BMPR1A: variants seen among roughly 807,000 people sequenced by gnomAD.
BMPR1A encodes the protein bone morphogenetic protein receptor type 1A.
Under a neutral mutation model 66.0 loss-of-function variants are expected in BMPR1A, and 7 were observed. The observed-to-expected ratio is 0.11, with a 90% CI of 0.06 to 0.20. The LOEUF (loss-of-function observed/expected upper bound fraction) is 0.20, where lower values mean the gene tolerates loss of function less well. Ranked by LOEUF, BMPR1A falls within the 10% of genes least tolerant of loss-of-function variation. The pLI, the probability that BMPR1A is intolerant of heterozygous loss-of-function variation, is 1.00. For synonymous variants in BMPR1A, 200 were observed against 229.7 expected (o/e 0.87, Z 1.17); for missense variants, 408 against 669.1 (o/e 0.61, Z 4.31).
At chr10:86,820,477 C>G (rs1842106977) in intron 1 of BMPR1A, among the ~76,000 whole-genome samples, 1 of 151,168 alleles carries the variant, frequency 6.6e-6, no homozygotes, top group Non-Finnish European at 1.5e-5. Flanking sequence ...TTTCTTCCTT[C>G]TCGGCTGTTT....
Position 86,833,520 on chromosome 10 carries a change from G to T in BMPR1A, c.-267-5345G>T, listed in dbSNP as rs533207346. Among the ~76,000 whole-genome samples the T allele has an allele frequency of 7.2e-5, 11 of 152,266 alleles. No individual in the cohort carries two copies. In the East Asian group the frequency reaches 2.1e-3, roughly 29 times the overall value. On this transcript the variant is annotated intron_variant, in intron 1 of 12. Transcript: ENST00000372037. Reference sequence around the variant, plus strand: ...AATAGATGAAGCAGAGGGAGGTGGGGCTTGTGATCCCAAGATTTTAAACTT... The same window carrying T: ...AATAGATGAAGCAGAGGGAGGTGGGTCTTGTGATCCCAAGATTTTAAACTT...
chr10:86,837,923 G>A (rs1416022806), intron 1 of BMPR1A, among the ~76,000 whole-genome samples: 1 of 152,194 alleles, frequency 6.6e-6, no homozygotes, highest in African/African-American at 2.4e-5. Context: ...TAGTTTACAT[G>A]AATTTAGTCA....
At position 86,926,997 on chromosome 10, in the gene BMPR1A, A is replaced by AT. The variant is rs1157723564; in HGVS notation, c.*3282dup. ...ACTTGCATCTGATTTCTTTGGAAAT[A>AT]TTTTCACAAAAGTTATTTTAATCAG... On this transcript the variant is annotated 3_prime_UTR_variant, in exon 13 of 13. Coordinates refer to ENST00000372037, the MANE Select transcript of BMPR1A (RefSeq NM_004329.3). The AT allele has an allele frequency of 5.3e-6, 1 of 187,530 alleles. No homozygotes were observed. Among genetic ancestry groups the AT allele is most frequent in the Non-Finnish European group, 1.1e-5 (1 of 88,992 alleles). 11.6% of individuals were successfully genotyped at this position (187,530 alleles called of 1,614,324 possible). A position where few individuals can be genotyped will look rare whatever the true frequency, so the allele number is the denominator to read the frequency against.
At chr10:86,762,324 A>G (rs1203652141) in intron 1 of BMPR1A, among the ~76,000 whole-genome samples, 2 of 152,216 alleles carry the variant, frequency 1.3e-5, no homozygotes, top group Non-Finnish European at 2.9e-5. Flanking sequence ...AACTCCTTGT[A>G]TGGTCTAGCA....
At chr10:86,917,535 G>A (rs1313664747) in intron 9 of BMPR1A, among the ~76,000 whole-genome samples, 1 of 152,208 alleles carries the variant, frequency 6.6e-6, no homozygotes, top group Non-Finnish European at 1.5e-5. Context: ...ACAGCAGTGA[G>A]TTTCAAATGG....
intron 2 of BMPR1A, among the ~76,000 whole-genome samples, chr10:86,865,182 C>A (rs566204920): frequency 6.6e-6 from 1 of 152,104 alleles, no homozygotes; most frequent in Non-Finnish European, 1.5e-5. Flanking sequence ...TGATGACATT[C>A]CACCACAAAA....
rs1175869457 is a variant in BMPR1A, at chr10:86,924,998, A to G, written c.*1279A>G. 1 of 232,172 alleles carries G rather than the reference A, an allele frequency of 4.3e-6. No homozygotes were observed. Among genetic ancestry groups the G allele is most frequent in the Non-Finnish European group, 8.5e-6 (1 of 117,476 alleles). 14.4% of individuals were successfully genotyped at this position (232,172 alleles called of 1,614,324 possible). ...CTCTAATTAGAAATTTATATGTCAG[A>G]GCTGTTATAAATTTATCAACTGTCA... On this transcript the variant is annotated 3_prime_UTR_variant, in exon 13 of 13. Coordinates refer to ENST00000372037, the MANE Select transcript of BMPR1A (RefSeq NM_004329.3).
chr10:86,802,929 G>A (rs10887656), intron 1 of BMPR1A, among the ~76,000 whole-genome samples: 46,077 of 149,396 alleles, frequency 0.31, 8,172 homozygotes, highest in East Asian at 0.69. Flanking sequence ...AGATTAGCCA[G>A]GCATTGTGAT....
At chr10:86,801,451 T>A (rs1841809506) in intron 1 of BMPR1A, among the ~76,000 whole-genome samples, 1 of 152,200 alleles carries the variant, frequency 6.6e-6, no homozygotes, top group African/African-American at 2.4e-5. Context: ...TGATAGAAGC[T>A]TAGAGATTAA....
In BMPR1A at chr10:86,892,087, G is replaced by A. The variant is rs1483584270; in HGVS notation, c.231-40G>A. Reference sequence around the variant, plus strand: ...CAAATTTCGTTAGTACTTTCTATGTGAATTTATGTTTTGTTTTGTTTTGTT... The same window carrying A: ...CAAATTTCGTTAGTACTTTCTATGTAAATTTATGTTTTGTTTTGTTTTGTT... On this transcript the variant is annotated intron_variant, in intron 4 of 12. Coordinates refer to ENST00000372037, the MANE Select transcript of BMPR1A (RefSeq NM_004329.3). The A allele has an allele frequency of 2.6e-6, 4 of 1,529,160 alleles. No individual in the cohort carries two copies. The African/African-American group carries it at 5.5e-5, about 21-fold the overall frequency. The allele number at this position is 1,529,160 out of a possible 1,614,324, so 94.7% of individuals were successfully genotyped here.
intron 1 of BMPR1A, among the ~76,000 whole-genome samples, chr10:86,830,313 T>C (rs934684651): frequency 2.6e-5 from 4 of 152,204 alleles, no homozygotes; most frequent in African/African-American, 9.6e-5. Flanking sequence ...AACAGGAATT[T>C]ACAAGGAAGT....
At chr10:86,846,971 T>TTTTA (rs201967253) in intron 2 of BMPR1A, among the ~76,000 whole-genome samples, 6,520 of 152,038 alleles carry the variant, frequency 0.043, 309 homozygotes, top group African/African-American at 0.11. Context: ...GGTGCTTTAA[T>TTTTA]TTTATTTATT....
chr10:86,760,485 G>A (rs1841031967), intron 1 of BMPR1A, among the ~76,000 whole-genome samples: 1 of 151,910 alleles, frequency 6.6e-6, no homozygotes, highest in Non-Finnish European at 1.5e-5. Flanking sequence ...TGATCCGCTC[G>A]CCTCAGCCTC....
chr10:86,904,731 T>C (rs1843360734), intron 7 of BMPR1A, among the ~76,000 whole-genome samples: 1 of 152,186 alleles, frequency 6.6e-6, no homozygotes. Flanking sequence ...CAAAAAAGAC[T>C]ACTCATCTGA....
rs1233429603 is a variant in BMPR1A at position 86,889,864 on chromosome 10, G to T, written c.68-198G>T. On this transcript the variant is annotated intron_variant, in intron 3 of 12. Transcript: ENST00000372037. ...TGATATAGCTGTCTTCATGTACCCC[G>T]CAATACCTGGTGCAGTAATTCTGTG... is the stretch of plus-strand genomic sequence containing the variant. 5 of 628,468 alleles carry T rather than the reference G, an allele frequency of 8.0e-6. No homozygotes were observed. In the Admixed American group the frequency reaches 1.4e-4, roughly 18 times the overall value. 38.9% of individuals were successfully genotyped at this position (628,468 alleles called of 1,614,324 possible).
intron 1 of BMPR1A, among the ~76,000 whole-genome samples, chr10:86,823,290 A>G (rs575599476): frequency 1.3e-5 from 2 of 152,366 alleles, no homozygotes; most frequent in East Asian, 3.9e-4. Context: ...ATAGAGAACA[A>G]TAACAGTAGC....
intron 3 of BMPR1A, among the ~76,000 whole-genome samples, chr10:86,885,457 C>T (rs772922096): frequency 6.6e-6 from 1 of 152,178 alleles, no homozygotes; most frequent in East Asian, 1.9e-4. Context: ...TAGCTACTAG[C>T]CAAATGTGGC....
chr10:86,854,587 C>CG (rs1222078867), intron 2 of BMPR1A: 2 of 155,642 alleles, frequency 1.3e-5, no homozygotes, highest in African/African-American at 2.4e-5. Context: ...CCAGTCCCTC[C>CG]GTTTGGGGTC....
intron 3 of BMPR1A, 143 bp downstream of exon 3, chr10:86,876,228 C>A: frequency 1.4e-6 from 1 of 737,046 alleles, no homozygotes; most frequent in South Asian, 1.5e-5. Flanking sequence ...AGATGAAACA[C>A]GTGCCAAATA....
Sources: allele counts gnomAD v4.1 joint callset (sites outside exome capture counted in the v4.1 genomes callset), GRCh38; gene constraint gnomAD v4.1.1; transcripts MANE v1.5; gene names NCBI Gene and HGNC (gene_info 2026-07-23, HGNC 2026-07-21).